COL28A1: variants seen among roughly 807,000 people sequenced by gnomAD.
The protein encoded by COL28A1 is collagen type XXVIII alpha 1 chain.
A neutral mutation model predicts 150.2 loss-of-function variants in COL28A1; 161 were observed. That is an observed-to-expected ratio of 1.07 (90% CI 0.94 to 1.22). COL28A1 has a LOEUF of 1.22. COL28A1 is among the 50% of genes most tolerant of loss of function. COL28A1 has a pLI of 0.00. For missense variants in COL28A1, 1,617 were observed against 1,388.3 expected (o/e 1.16, Z -2.62); for synonymous variants, 552 against 469.7 (o/e 1.18, Z -2.26).
intron 27 of COL28A1, among the ~76,000 whole-genome samples, chr7:7,403,225 C>G (rs1783314444): frequency 6.6e-6 from 1 of 152,068 alleles, no homozygotes; most frequent in Non-Finnish European, 1.5e-5. Context: ...GAACAAGCAC[C>G]TGGCCCAGGA....
At chr7:7,450,186 C>A (rs987357892) in intron 18 of COL28A1, among the ~76,000 whole-genome samples, 1 of 152,020 alleles carries the variant, frequency 6.6e-6, no homozygotes, top group Non-Finnish European at 1.5e-5. Context: ...ATGGACTATT[C>A]AACAACTGAT....
intron 17 of COL28A1, among the ~76,000 whole-genome samples, chr7:7,452,959 G>A (rs1389906933): frequency 6.6e-6 from 1 of 152,206 alleles, no homozygotes; most frequent in African/African-American, 2.4e-5. Context: ...TTAAATAAGT[G>A]CCATGCTCCT....
At chr7:7,385,868 T>G (rs1197749391) in intron 27 of COL28A1, among the ~76,000 whole-genome samples, 1 of 152,216 alleles carries the variant, frequency 6.6e-6, no homozygotes, top group African/African-American at 2.4e-5. Flanking sequence ...ACTTAAAGGC[T>G]TCCTATAACT....
intron 11 of COL28A1, among the ~76,000 whole-genome samples, chr7:7,498,031 A>G (rs895754238): frequency 6.6e-6 from 1 of 152,188 alleles, no homozygotes; most frequent in Non-Finnish European, 1.5e-5. Flanking sequence ...ATAACAATGA[A>G]TTGGTGAAGA....
At chr7:7,449,675 C>A (rs1422437416) in intron 18 of COL28A1, among the ~76,000 whole-genome samples, 1 of 151,370 alleles carries the variant, frequency 6.6e-6, no homozygotes, top group Non-Finnish European at 1.5e-5. Flanking sequence ...AATCAACATG[C>A]CAAAAAACAA....
At chr7:7,508,078 A>G (rs1381980712) in intron 9 of COL28A1, among the ~76,000 whole-genome samples, 2 of 152,060 alleles carry the variant, frequency 1.3e-5, no homozygotes, top group Non-Finnish European at 2.9e-5. Context: ...TAAAAATACA[A>G]AAAATTAGCC....
chr7:7,507,740 C>T (rs1780892874), intron 9 of COL28A1, among the ~76,000 whole-genome samples: 1 of 151,814 alleles, frequency 6.6e-6, no homozygotes, highest in South Asian at 2.1e-4. Context: ...CAAAGTACAA[C>T]CTGTTAACAA....
At chr7:7,428,144 G>A (rs1031872030) in intron 25 of COL28A1, among the ~76,000 whole-genome samples, 3 of 152,178 alleles carry the variant, frequency 2.0e-5, no homozygotes, top group African/African-American at 4.8e-5. Flanking sequence ...AATGATAATA[G>A]TAATTATACC....
Position 7,380,208 on chromosome 7 carries a change from T to C in COL28A1, c.2322+452A>G, listed in dbSNP as rs182148918. 3.2e-3 allele frequency among the ~76,000 whole-genome samples: 488 copies of C among 152,282 alleles called. 4 individuals carry two copies. Among genetic ancestry groups the C allele is most frequent in the Non-Finnish European group, 4.6e-3 (315 of 68,026 alleles). On this transcript the variant is annotated intron_variant, in intron 30 of 34. Transcript: ENST00000399429. ...TTTATAGATGCTCAGAAAATACTTA[T>C]TGAATAATTGAATCAATATATAACT...
intron 28 of COL28A1, among the ~76,000 whole-genome samples, chr7:7,381,148 C>A (rs546162669): frequency 6.6e-6 from 1 of 152,042 alleles, no homozygotes; most frequent in African/African-American, 2.4e-5. Flanking sequence ...CACAATTTAC[C>A]GGGTACCTGA....
At chr7:7,383,887 A>T (rs1782036035) in intron 27 of COL28A1, among the ~76,000 whole-genome samples, 1 of 152,042 alleles carries the variant, frequency 6.6e-6, no homozygotes, top group African/African-American at 2.4e-5. Context: ...CATTCCTAGG[A>T]GGAAACTCTT....
intron 13 of COL28A1, among the ~76,000 whole-genome samples, chr7:7,482,198 T>A (rs1583474940): frequency 6.6e-6 from 1 of 152,322 alleles, no homozygotes; most frequent in African/African-American, 2.4e-5. Flanking sequence ...AGCCCTAAGA[T>A]AAGTCTTTAC....
chr7:7,340,409 C>T, the COL28A1 span, among the ~76,000 whole-genome samples: 86 of 152,188 alleles, frequency 5.7e-4, no homozygotes, highest in African/African-American at 1.9e-3. Context: ...ATTCTTGGGA[C>T]TACTTAACAT....
At chr7:7,485,723 A>T (rs1444994070) in intron 13 of COL28A1, among the ~76,000 whole-genome samples, 2 of 152,160 alleles carry the variant, frequency 1.3e-5, no homozygotes, top group African/African-American at 4.8e-5. Context: ...TAAAAAGACT[A>T]TGTTTCCTCT....
chr7:7,441,967 C>CT (rs1785830033), intron 20 of COL28A1, among the ~76,000 whole-genome samples: 9 of 152,256 alleles, frequency 5.9e-5, no homozygotes, highest in Admixed American at 5.9e-4. Flanking sequence ...AACCACAACT[C>CT]TTTATTTTCT....
chr7:7,510,632 G>A (rs1781079887), intron 9 of COL28A1, among the ~76,000 whole-genome samples: 1 of 152,118 alleles, frequency 6.6e-6, no homozygotes, highest in Admixed American at 6.6e-5. Context: ...AATTGTTTGT[G>A]TCTACATTTT....
At chr7:7,505,315 C>T (rs1464756360) in intron 11 of COL28A1, among the ~76,000 whole-genome samples, 2 of 152,050 alleles carry the variant, frequency 1.3e-5, no homozygotes, top group African/African-American at 4.8e-5. Context: ...ATCACTAAGT[C>T]GACACCATTT....
chr7:7,428,245 G>T (rs1402491037), intron 25 of COL28A1, among the ~76,000 whole-genome samples: 2 of 152,092 alleles, frequency 1.3e-5, no homozygotes, highest in Non-Finnish European at 2.9e-5. Context: ...CCAAATCCAG[G>T]TTAGATCTCC....
At chr7:7,340,085 G>T in the COL28A1 span, among the ~76,000 whole-genome samples, 1 of 151,874 alleles carries the variant, frequency 6.6e-6, no homozygotes, top group Non-Finnish European at 1.5e-5. Flanking sequence ...CTGCCTCTCA[G>T]ATTCAAGCGG....
Sources: gnomAD v4.1 joint callset for allele counts (sites outside exome capture counted in the v4.1 genomes callset) on GRCh38, gnomAD v4.1.1 for gene constraint, MANE v1.5 for transcripts, NCBI Gene and HGNC (gene_info 2026-07-23, HGNC 2026-07-21) for gene names.